The following NFIA variants were observed in gnomAD, a reference collection of about 807,000 sequenced individuals.
The protein encoded by NFIA is nuclear factor I A.
In NFIA, 8 loss-of-function variants were observed where a neutral mutation model predicts 62.8. That is an observed-to-expected ratio of 0.13 (90% CI 0.07 to 0.23). The LOEUF is 0.23. Among genes scored for constraint, NFIA ranks in the 10% least tolerant of loss-of-function variants. The probability of loss-of-function intolerance (pLI) is 1.00; values close to 1 mark genes in which losing one functional copy is unlikely to be tolerated. For missense variants in NFIA, 410 were observed against 642.1 expected (o/e 0.64, Z 3.91); for synonymous variants, 235 against 238.1 (o/e 0.99, Z 0.12).
intron 2 of NFIA, among the ~76,000 whole-genome samples, chr1:61,161,521 T>C (rs1176945923): frequency 6.6e-6 from 1 of 151,984 alleles, no homozygotes; most frequent in Non-Finnish European, 1.5e-5. Context: ...GGAGACACTG[T>C]CCAAGAGGTC....
intron 2 of NFIA, among the ~76,000 whole-genome samples, chr1:61,131,617 C>T (rs1647080916): frequency 6.6e-6 from 1 of 151,740 alleles, no homozygotes; most frequent in Non-Finnish European, 1.5e-5. Flanking sequence ...AATATTTTAT[C>T]ACTAAATGCT....
At chr1:61,256,653 CA>C (rs1408461291) in intron 2 of NFIA, among the ~76,000 whole-genome samples, 1 of 151,906 alleles carries the variant, frequency 6.6e-6, no homozygotes, top group Non-Finnish European at 1.5e-5. Flanking sequence ...ATGTTTTGGT[CA>C]AAAGGGAAAT....
chr1:61,111,846 A>G (rs943486570), intron 2 of NFIA, among the ~76,000 whole-genome samples: 13 of 152,186 alleles, frequency 8.5e-5, no homozygotes, highest in African/African-American at 3.1e-4. Flanking sequence ...TAAAAAACCA[A>G]AAATGATGGT....
At chr1:61,413,879 A>G (rs543870690) in intron 9 of NFIA, among the ~76,000 whole-genome samples, 49 of 151,090 alleles carry the variant, frequency 3.2e-4, no homozygotes, top group African/African-American at 9.5e-4. Context: ...ACCCGCCTCA[A>G]CCTCCCAAAG....
intron 2 of NFIA, among the ~76,000 whole-genome samples, chr1:61,264,424 G>A (rs1253520945): frequency 6.6e-6 from 1 of 151,926 alleles, no homozygotes; most frequent in Non-Finnish European, 1.5e-5. Flanking sequence ...CGGGTGGATT[G>A]CTTGAGCTCA....
At chr1:61,134,239 TGTGTGA>T (rs953555722) in intron 2 of NFIA, among the ~76,000 whole-genome samples, 4 of 89,590 alleles carry the variant, frequency 4.5e-5, no homozygotes, top group African/African-American at 8.5e-5. Flanking sequence ...ACAGACTGTG[TGTGTGA>T]GTGTGTGTGT....
Position 61,134,319 on chromosome 1 carries a change from T to A in NFIA, c.559+45639T>A, listed in dbSNP as rs1016078964. On this transcript the variant is annotated intron_variant, in intron 2 of 10. Transcript: ENST00000403491. ...AATCCTTTATCTCTTTGCTTCTCAATTTCTTTTCTTAGGAAAATCAGATTA... is the reference window on the plus strand; with the variant it reads ...AATCCTTTATCTCTTTGCTTCTCAAATTCTTTTCTTAGGAAAATCAGATTA... Among the ~76,000 whole-genome samples the A allele has an allele frequency of 2.6e-5, 4 of 152,108 alleles. No homozygotes were observed. The South Asian group carries it at 8.3e-4, about 32-fold the overall frequency.
chr1:61,331,631 G>A (rs1661304003), intron 3 of NFIA, among the ~76,000 whole-genome samples: 2 of 152,114 alleles, frequency 1.3e-5, no homozygotes, highest in Admixed American at 6.5e-5. Flanking sequence ...TGACCTTGGA[G>A]TGATCTCTCA....
At chr1:61,170,376 G>T (rs1369011343) in intron 2 of NFIA, among the ~76,000 whole-genome samples, 1 of 152,230 alleles carries the variant, frequency 6.6e-6, no homozygotes, top group Non-Finnish European at 1.5e-5. Context: ...AGGAATGCCT[G>T]TGAACTTGAG....
intron 4 of NFIA, among the ~76,000 whole-genome samples, chr1:61,347,698 ATGTTCGGCAT>A (rs1294690293): frequency 6.6e-6 from 1 of 152,162 alleles, no homozygotes; most frequent in Non-Finnish European, 1.5e-5. Flanking sequence ...GAAATTTAGC[ATGTTCGGCAT>A]TGCATTAGAT....
At chr1:61,149,083 T>G (rs1402012422) in intron 2 of NFIA, among the ~76,000 whole-genome samples, 2 of 146,834 alleles carry the variant, frequency 1.4e-5, no homozygotes, top group Non-Finnish European at 3.0e-5. Flanking sequence ...TTGGATGAGA[T>G]ATGGGTCTAA....
intron 4 of NFIA, among the ~76,000 whole-genome samples, chr1:61,336,145 C>G (rs1223406581): frequency 1.3e-5 from 2 of 152,202 alleles, no homozygotes; most frequent in East Asian, 1.9e-4. Context: ...ATCAAAACCT[C>G]TCCTATAATT....
At chr1:61,202,366 A>G (rs1009629357) in intron 2 of NFIA, among the ~76,000 whole-genome samples, 3 of 152,136 alleles carry the variant, frequency 2.0e-5, no homozygotes, top group Non-Finnish European at 2.9e-5. Flanking sequence ...TATATATAAG[A>G]TTCATATGGC....
At position 61,185,883 on chromosome 1, in the gene NFIA, T is replaced by G. The variant is rs368524010; in HGVS notation, c.560-91637T>G. Among the ~76,000 whole-genome samples the G allele has an allele frequency of 9.8e-4, 150 of 152,324 alleles. 6 individuals are homozygous for G. In the East Asian group the frequency reaches 0.024, roughly 25 times the overall value. On this transcript the variant is annotated intron_variant, in intron 2 of 10. Coordinates refer to ENST00000403491, the MANE Select transcript of NFIA (RefSeq NM_001134673.4). Reference sequence around the variant, plus strand: ...ATTTTCCATAATACTAATAACAGTCTGAAATGCTCTTGTTAATTTATTTGA... The same window carrying G: ...ATTTTCCATAATACTAATAACAGTCGGAAATGCTCTTGTTAATTTATTTGA...
At chr1:61,334,555 G>GTGTGTGTGTGTGTGTGTA (rs1470465999) in intron 4 of NFIA, among the ~76,000 whole-genome samples, 2 of 97,500 alleles carry the variant, frequency 2.1e-5, no homozygotes, top group African/African-American at 3.8e-5. Context: ...GTGTGTGTGT[G>GTGTGTGTGTGTGTGTGTA]TATATATATA....
intron 6 of NFIA, among the ~76,000 whole-genome samples, chr1:61,379,995 T>A (rs1664339922): frequency 6.6e-6 from 1 of 152,192 alleles, no homozygotes; most frequent in Admixed American, 6.5e-5. Context: ...GAATCCCATA[T>A]ATGTTTGCCC....
At chr1:61,101,320 G>A (rs1431156978) in intron 2 of NFIA, among the ~76,000 whole-genome samples, 4 of 151,666 alleles carry the variant, frequency 2.6e-5, no homozygotes, top group African/African-American at 4.8e-5. Flanking sequence ...GCTTGAACCC[G>A]GGAGGCAAAG....
intron 2 of NFIA, among the ~76,000 whole-genome samples, chr1:61,219,575 G>T (rs201752940): frequency 6.6e-6 from 1 of 151,888 alleles, no homozygotes; most frequent in Non-Finnish European, 1.5e-5. Context: ...TTAGCCGGGC[G>T]TGGTGGCGGG....
Position 61,088,784 on chromosome 1 carries a change from C to A in NFIA, c.559+104C>A. On this transcript the variant is annotated intron_variant, in intron 2 of 10. Transcript: ENST00000403491. This position sits in a 1 kb window ranked among gnomAD's most constrained non-coding sequence, Gnocchi z 4.5. ...TTCCTGAGCTCCCCAAGTTGCAGGC[C>A]ACGTACATGAAGCCAGTGTGGTTTC... The A allele has an allele frequency of 1.5e-6, 2 of 1,312,552 alleles. No individual in the cohort carries two copies. Among genetic ancestry groups the A allele is most frequent in the Non-Finnish European group, 2.1e-6 (2 of 962,678 alleles). 81.3% of individuals were successfully genotyped at this position (1,312,552 alleles called of 1,614,324 possible).
Sources: gnomAD v4.1 joint callset for allele counts (sites outside exome capture counted in the v4.1 genomes callset) on GRCh38, gnomAD v4.1.1 for gene constraint, Gnocchi (gnomAD v3.1) non-coding constraint, MANE v1.5 for transcripts, NCBI Gene and HGNC (gene_info 2026-07-23, HGNC 2026-07-21) for gene names.